TUSC3: variants seen among roughly 807,000 people sequenced by gnomAD.
TUSC3 encodes the protein tumor suppressor candidate 3, also known as dolichyl-diphosphooligosaccharide--protein glycosyltransferase subunit TUSC3.
TUSC3 carries 45 observed loss-of-function variants against 44.8 expected under a neutral mutation model. The ratio of observed to expected loss-of-function variants is 1.00; its 90% CI spans 0.79 to 1.29. TUSC3 has a LOEUF of 1.29. TUSC3 is among the 50% of genes most tolerant of loss of function. The probability of loss-of-function intolerance (pLI) is 0.00; values close to 1 mark genes in which losing one functional copy is unlikely to be tolerated. For missense variants in TUSC3, 519 were observed against 437.9 expected, an observed-to-expected ratio of 1.19 and a Z score of -1.65; for synonymous variants, 212 against 152.9, an observed-to-expected ratio of 1.39 and a Z score of -2.85.
intron 2 of TUSC3, among the ~76,000 whole-genome samples, chr8:15,626,215 C>G (rs748854730): frequency 8.5e-5 from 13 of 152,204 alleles, no homozygotes; most frequent in Non-Finnish European, 1.9e-4. Flanking sequence ...CAGACCCTGT[C>G]CCTGGTCACT....
intron 8 of TUSC3, among the ~76,000 whole-genome samples, chr8:15,746,995 G>C (rs969587884): frequency 1.3e-5 from 2 of 151,998 alleles, no homozygotes; most frequent in African/African-American, 4.8e-5. Flanking sequence ...AAGTTCAGCT[G>C]CATGAGTGTT....
At chr8:15,718,338 C>T (rs1351912870) in intron 6 of TUSC3, among the ~76,000 whole-genome samples, 1 of 152,024 alleles carries the variant, frequency 6.6e-6, no homozygotes. Context: ...GAAGTTGAAG[C>T]TTAGGTCATT....
At chr8:15,482,191 G>C (rs1285887088) in intron 1 of TUSC3, among the ~76,000 whole-genome samples, 2 of 152,070 alleles carry the variant, frequency 1.3e-5, no homozygotes, top group Non-Finnish European at 2.9e-5. Flanking sequence ...CACATCTCAG[G>C]CTCCACTTCT....
intron 8 of TUSC3, among the ~76,000 whole-genome samples, 197 bp downstream of exon 8, chr8:15,743,809 C>G (rs1018716478): frequency 6.6e-6 from 1 of 152,098 alleles, no homozygotes; most frequent in African/African-American, 2.4e-5. Context: ...GGGACTGGGT[C>G]GTTTTCTGTT....
chr8:15,556,726 G>C (rs1229184370), intron 1 of TUSC3, among the ~76,000 whole-genome samples: 1 of 143,796 alleles, frequency 7.0e-6, no homozygotes, highest in African/African-American at 2.5e-5. Context: ...TCTCATTGTG[G>C]TTTTGATTTG....
At chr8:15,565,198 A>T (rs1802620233) in intron 1 of TUSC3, among the ~76,000 whole-genome samples, 1 of 149,232 alleles carries the variant, frequency 6.7e-6, no homozygotes. Flanking sequence ...CAGTTTCTAG[A>T]GGCTGCTGGC....
At chr8:15,553,944 C>G (rs560894026) in intron 1 of TUSC3, among the ~76,000 whole-genome samples, 2 of 151,834 alleles carry the variant, frequency 1.3e-5, no homozygotes, top group African/African-American at 4.8e-5. Context: ...TAGTGTCAGG[C>G]TGTTCAGACT....
chr8:15,590,696 G>C (rs1803793126), intron 1 of TUSC3, among the ~76,000 whole-genome samples: 1 of 151,712 alleles, frequency 6.6e-6, no homozygotes, highest in African/African-American at 2.4e-5. Flanking sequence ...TTCTGAGACA[G>C]GGTTTTGCTC....
chr8:15,806,486 A>G, the TUSC3 span: 1 of 973,470 alleles, frequency 1.0e-6, no homozygotes, highest in South Asian at 1.3e-5. Flanking sequence ...GGTGTCGACT[A>G]TTTCATTGTA....
At chr8:15,571,016 A>G (rs1175225640) in intron 1 of TUSC3, among the ~76,000 whole-genome samples, 1 of 115,910 alleles carries the variant, frequency 8.6e-6, no homozygotes, top group Admixed American at 1.2e-4. Flanking sequence ...AAGTGCAGTG[A>G]TATGATCTTG....
chr8:15,716,024 G>A (rs1451755539), intron 6 of TUSC3, among the ~76,000 whole-genome samples: 1 of 152,056 alleles, frequency 6.6e-6, no homozygotes, highest in Non-Finnish European at 1.5e-5. Flanking sequence ...TGGAGGCCAC[G>A]GCAGGCGGTT....
intron 1 of TUSC3, among the ~76,000 whole-genome samples, chr8:15,574,656 G>A (rs1803019835): frequency 6.6e-6 from 1 of 152,094 alleles, no homozygotes; most frequent in Non-Finnish European, 1.5e-5. Flanking sequence ...TTAGGGTTTT[G>A]ACCCATAGTT....
the TUSC3 span, among the ~76,000 whole-genome samples, chr8:15,808,554 G>A: frequency 1.3e-5 from 2 of 151,984 alleles, no homozygotes; most frequent in Admixed American, 6.6e-5. Flanking sequence ...TTCTCTTACC[G>A]AACATCTTTT....
chr8:15,802,284 C>G, the TUSC3 span, among the ~76,000 whole-genome samples: 1 of 152,152 alleles, frequency 6.6e-6, no homozygotes, highest in Non-Finnish European at 1.5e-5. Flanking sequence ...ATTAACATGC[C>G]TTCTTTCTTG....
the TUSC3 span, among the ~76,000 whole-genome samples, chr8:15,800,108 G>C: frequency 6.6e-6 from 1 of 152,172 alleles, no homozygotes; most frequent in Non-Finnish European, 1.5e-5. Flanking sequence ...TGTTACAGGG[G>C]AGACACTACC....
intron 6 of TUSC3, among the ~76,000 whole-genome samples, chr8:15,712,152 T>A (rs911164685): frequency 2.2e-4 from 34 of 151,980 alleles, no homozygotes; most frequent in African/African-American, 4.8e-5. Context: ...ATATTTCAAA[T>A]AAGTAATAGC....
intron 5 of TUSC3, among the ~76,000 whole-genome samples, chr8:15,666,375 T>G (rs1455465707): frequency 6.6e-6 from 1 of 151,586 alleles, no homozygotes; most frequent in African/African-American, 2.4e-5. Context: ...TTTCTGCCTT[T>G]TAATACTGTG....
At chr8:15,757,164 T>C (rs968497840) in intron 9 of TUSC3, among the ~76,000 whole-genome samples, 1 of 152,052 alleles carries the variant, frequency 6.6e-6, no homozygotes, top group African/African-American at 2.4e-5. Flanking sequence ...AAAAAAGAGG[T>C]ATCGCAGTTC....
chr8:15,510,241 T>G (rs1207429572), intron 2 of TUSC3, among the ~76,000 whole-genome samples: 1 of 151,452 alleles, frequency 6.6e-6, no homozygotes, highest in East Asian at 1.9e-4. Context: ...ACAATCAAAG[T>G]GGAAACCAAT....
Sources: gnomAD v4.1 joint callset for allele counts (sites outside exome capture counted in the v4.1 genomes callset) on GRCh38, gnomAD v4.1.1 for gene constraint, MANE v1.5 for transcripts, NCBI Gene and HGNC (gene_info 2026-07-23, HGNC 2026-07-21) for gene names.